The following TAMM41 variants were observed in gnomAD, a reference collection of about 807,000 sequenced individuals.
The protein encoded by TAMM41 is phosphatidate cytidylyltransferase, mitochondrial.
TAMM41 carries 36 observed loss-of-function variants against 44.1 expected under a neutral mutation model. That is an observed-to-expected ratio of 0.82 (90% confidence interval 0.63 to 1.08). The LOEUF (loss-of-function observed/expected upper bound fraction) is 1.08. Ranked by LOEUF, TAMM41 falls within the 50% of genes least tolerant of loss-of-function variation. The pLI is 0.00. For synonymous variants in TAMM41, 164 were observed against 153.1 expected, an observed-to-expected ratio of 1.07 and a Z score of -0.53; for missense variants, 417 against 404.3, an observed-to-expected ratio of 1.03 and a Z score of -0.27.
the TAMM41 span, among the ~76,000 whole-genome samples, chr3:11,740,080 A>C: frequency 1.4e-5 from 2 of 140,028 alleles, no homozygotes; most frequent in Non-Finnish European, 3.0e-5. Context: ...TAAGGCAAAA[A>C]ACAAAACAAA....
chr3:11,825,788 A>AT (rs879841441), intron 4 of TAMM41, among the ~76,000 whole-genome samples: 1,487 of 146,224 alleles, frequency 0.01, 15 homozygotes, highest in African/African-American at 0.035. Context: ...TACTCAGCTA[A>AT]TTTTTTTTTT....
intron 3 of TAMM41, among the ~76,000 whole-genome samples, chr3:11,831,083 T>C (rs2078964994): frequency 6.6e-6 from 1 of 152,202 alleles, no homozygotes; most frequent in African/African-American, 2.4e-5. Flanking sequence ...AGTGAGTTAC[T>C]GCACACAAAC....
chr3:11,823,472 G>C (rs1398685391), intron 4 of TAMM41, among the ~76,000 whole-genome samples: 2 of 151,778 alleles, frequency 1.3e-5, no homozygotes, highest in African/African-American at 4.8e-5. Context: ...GGCCAGACTG[G>C]TCTTGAACCC....
chr3:11,818,197 A>C (rs962297077), intron 4 of TAMM41, among the ~76,000 whole-genome samples: 1 of 152,140 alleles, frequency 6.6e-6, no homozygotes, highest in African/African-American at 2.4e-5. Flanking sequence ...TGTCAGGGGG[A>C]GTAGAGAGGT....
Position 11,793,271 on chromosome 3 carries a change from A to G in TAMM41, c.938-2690T>C, listed in dbSNP as rs114329128. Among the ~76,000 whole-genome samples the G allele has an allele frequency of 9.4e-3, 1,429 of 152,290 alleles. 29 individuals carry two copies. Among genetic ancestry groups the G allele is most frequent in the African/African-American group, 0.033 (1,381 of 41,550 alleles). The stretch of plus-strand genomic sequence containing the variant: ...CAAATAAACAAATGAAAAATGCTCA[A>G]CTTCCTCAGTCATGAGGAAAATGTA... On this transcript the variant is annotated intron_variant, in intron 7 of 7. Coordinates refer to ENST00000455809, the MANE Select transcript of TAMM41 (RefSeq NM_001284401.2).
intron 7 of TAMM41, among the ~76,000 whole-genome samples, chr3:11,791,609 G>T (rs2077478857): frequency 6.6e-6 from 1 of 152,112 alleles, no homozygotes; most frequent in East Asian, 1.9e-4. Context: ...ACTTTGGTGA[G>T]CATGCCGACA....
At chr3:11,821,934 G>T (rs186569571) in intron 4 of TAMM41, among the ~76,000 whole-genome samples, 2 of 152,270 alleles carry the variant, frequency 1.3e-5, no homozygotes, top group Admixed American at 1.3e-4. Flanking sequence ...TTCCACACCT[G>T]ACCTCATGCA....
chr3:11,725,815 C>T, the TAMM41 span, among the ~76,000 whole-genome samples: 1 of 152,100 alleles, frequency 6.6e-6, no homozygotes, highest in African/African-American at 2.4e-5. Context: ...CCATGAGGGT[C>T]AGTGAAGTCA....
At chr3:11,745,525 C>T in the TAMM41 span, among the ~76,000 whole-genome samples, 1 of 152,152 alleles carries the variant, frequency 6.6e-6, no homozygotes, top group Non-Finnish European at 1.5e-5. Flanking sequence ...ACACATGCTA[C>T]AACATGGATG....
intron 7 of TAMM41, among the ~76,000 whole-genome samples, chr3:11,793,059 CAAAAAAAAAAA>C (rs61264653): frequency 4.6e-5 from 3 of 65,128 alleles, no homozygotes; most frequent in Non-Finnish European, 7.9e-5. Flanking sequence ...GGCCCCATCT[CAAAAAAAAAAA>C]AAAAAAAAAA....
At chr3:11,795,042 A>ATT in intron 7 of TAMM41, among the ~76,000 whole-genome samples, 1 of 152,186 alleles carries the variant, frequency 6.6e-6, no homozygotes, top group African/African-American at 2.4e-5. Context: ...CAACAAATGG[A>ATT]AGAAATGCTT....
At chr3:11,748,244 T>A in the TAMM41 span, among the ~76,000 whole-genome samples, 1 of 99,854 alleles carries the variant, frequency 1.0e-5, no homozygotes, top group African/African-American at 5.2e-5. Context: ...ACATGTCTCA[T>A]ATTAATATTA....
intron 3 of TAMM41, chr3:11,833,118 A>C: frequency 1.7e-5 from 22 of 1,284,574 alleles, no homozygotes; most frequent in Non-Finnish European, 2.2e-5. Flanking sequence ...CAGAGTGAAA[A>C]GCCAGTGAAC....
chr3:11,844,954 T>A (rs1001953425), intron 1 of TAMM41: 1 of 456,634 alleles, frequency 2.2e-6, no homozygotes, highest in Non-Finnish European at 4.4e-6. Flanking sequence ...AGATGACAAA[T>A]CTGAGTCTTG....
rs1300870469 is a variant in TAMM41 at position 11,846,558 on chromosome 3, C to T, written c.79G>A (p.Ala27Thr). The T allele has an allele frequency of 9.9e-6, 16 of 1,614,234 alleles. No homozygotes were observed. Among genetic ancestry groups the T allele is most frequent in the Non-Finnish European group, 1.4e-5 (16 of 1,180,042 alleles). Residue 27 changes from alanine to threonine, a missense_variant, in exon 1 of 8, where the codon GCT becomes ACT. By Grantham distance (58) the Ala-to-Thr change is moderately conservative. Transcript: ENST00000455809. ...TACACCCCGGAGCCGTAGACGAAAG[C>T]CAGACTCAGCTCCTCGGGGAAGTGA... is the stretch of plus-strand genomic sequence containing the variant. ...LSHFPEELSL[A>T]FVYGSGVYRQ...
At chr3:11,757,188 TTTC>T in the TAMM41 span, among the ~76,000 whole-genome samples, 1 of 152,212 alleles carries the variant, frequency 6.6e-6, no homozygotes, top group African/African-American at 2.4e-5. Flanking sequence ...TTCATTCTAT[TTTC>T]TTCTTTCAAG....
At chr3:11,824,422 A>T (rs1015140860) in intron 4 of TAMM41, among the ~76,000 whole-genome samples, 2 of 133,968 alleles carry the variant, frequency 1.5e-5, no homozygotes, top group African/African-American at 5.8e-5. Flanking sequence ...GTGCAGTGGC[A>T]CCATCTCAGC....
chr3:11,745,097 A>C, the TAMM41 span, among the ~76,000 whole-genome samples: 1 of 152,052 alleles, frequency 6.6e-6, no homozygotes, highest in Non-Finnish European at 1.5e-5. Flanking sequence ...TCCTGAACTC[A>C]GGTGATCTGC....
chr3:11,844,808 A>G, intron 1 of TAMM41: 1 of 411,118 alleles, frequency 2.4e-6, no homozygotes, highest in Non-Finnish European at 4.8e-6. Context: ...CCTAGGGTAG[A>G]AGTATAGAGC....
Sources: allele counts gnomAD v4.1 joint callset (sites outside exome capture counted in the v4.1 genomes callset), GRCh38; gene constraint gnomAD v4.1.1; transcripts MANE v1.5; gene names NCBI Gene and HGNC (gene_info 2026-07-23, HGNC 2026-07-21).